Variants in VPS13A observed in about 807,000 individuals in gnomAD.
VPS13A encodes the protein vacuolar protein sorting 13 homolog A, also known as intermembrane lipid transfer protein VPS13A.
VPS13A carries 264 observed loss-of-function variants against 390.9 expected under a neutral mutation model. The observed-to-expected ratio is 0.68, with a 90% CI of 0.61 to 0.75. The LOEUF (loss-of-function observed/expected upper bound fraction) is 0.75, where lower values mean the gene tolerates loss of function less well. VPS13A is among the 30% of genes least tolerant of loss of function. The pLI is 0.00. For synonymous variants in VPS13A, 1,231 were observed against 1,227.1 expected (o/e 1.00, Z -0.07); for missense variants, 3,409 against 3,733.9 (o/e 0.91, Z 2.27).
In VPS13A at chr9:77,392,714, CTATA is replaced by C. The variant is rs549127165; in HGVS notation, c.9190-10517_9190-10514del. On this transcript the variant is annotated intron_variant, in intron 68 of 71. Transcript: ENST00000360280. ...TATGTACAATCACGTCGTTAAAAAA[CTATA>C]TATACACTATATAAAACTATATATA... Among the ~76,000 whole-genome samples, 492 of 150,592 alleles carry C rather than the reference CTATA, an allele frequency of 3.3e-3. 1 individual carries two copies. Among genetic ancestry groups the C allele is most frequent in the Admixed American group, 5.8e-3 (88 of 15,104 alleles).
intron 9 of VPS13A, among the ~76,000 whole-genome samples, 185 bp from the exon 10 acceptor site, chr9:77,214,144 G>A (rs1365570192): frequency 1.3e-5 from 2 of 151,792 alleles, no homozygotes; most frequent in Non-Finnish European, 2.9e-5. Context: ...GGCACGGTGG[G>A]GCACGTCTGT....
At chr9:77,233,331 G>A (rs891791625) in intron 17 of VPS13A, among the ~76,000 whole-genome samples, 9 of 151,566 alleles carry the variant, frequency 5.9e-5, no homozygotes, top group African/African-American at 1.9e-4. Context: ...TGTTAAATAT[G>A]TTAACCTTTT....
At chr9:77,303,770 C>T (rs1297228291) in intron 34 of VPS13A, among the ~76,000 whole-genome samples, 6 of 152,202 alleles carry the variant, frequency 3.9e-5, no homozygotes. Flanking sequence ...TTATGTTTCT[C>T]TCCACCCAAA....
chr9:77,361,403 C>T (rs1035690005), intron 59 of VPS13A, among the ~76,000 whole-genome samples: 1 of 152,044 alleles, frequency 6.6e-6, no homozygotes, highest in Admixed American at 6.5e-5. Flanking sequence ...TATGTTGTAG[C>T]ATGTATCAGT....
At chr9:77,228,615 G>A (rs1823653784) in intron 17 of VPS13A, among the ~76,000 whole-genome samples, 3 of 152,116 alleles carry the variant, frequency 2.0e-5, no homozygotes, top group Admixed American at 2.0e-4. Context: ...TTTAAAGTGT[G>A]TGGTTCATTG....
intron 69 of VPS13A, among the ~76,000 whole-genome samples, 183 bp downstream of exon 69, chr9:77,403,504 C>T (rs1322212482): frequency 1.3e-5 from 2 of 152,178 alleles, no homozygotes; most frequent in Non-Finnish European, 2.9e-5. Context: ...TGCATGCATA[C>T]AGATAAACAC....
chr9:77,268,892 A>G (rs1040068046), intron 23 of VPS13A, among the ~76,000 whole-genome samples: 7 of 151,164 alleles, frequency 4.6e-5, no homozygotes, highest in African/African-American at 1.7e-4. Flanking sequence ...GTGAGCCAAG[A>G]TTGCGCCACT....
Position 77,314,009 on chromosome 9 carries a change from G to A in VPS13A, c.4132G>A (p.Ala1378Thr). 1 of 1,613,138 alleles carries A rather than the reference G, an allele frequency of 6.2e-7. No individual in the cohort carries two copies. Among genetic ancestry groups the A allele is most frequent in the Non-Finnish European group, 8.5e-7 (1 of 1,179,486 alleles). ...HHSGGATVVT[A>T]AVVEVHSRAL... Reference sequence around the variant, plus strand: ...TTTTCAAGGAGCAACTGTGGTGACAGCTGCTGTGGTAGAAGTACATTCACG... The same window carrying A: ...TTTTCAAGGAGCAACTGTGGTGACAACTGCTGTGGTAGAAGTACATTCACG... The change falls in exon 36 of 72, where the codon GCT (alanine) becomes ACT (threonine). Residue 1378 changes from alanine to threonine, a missense_variant. Around this residue, in one of 5 missense-constraint regions of VPS13A, gnomAD observed 2,717 missense variants for 2,917.4 expected, o/e 0.93. Coordinates refer to ENST00000360280, the MANE Select transcript of VPS13A (RefSeq NM_033305.3).
intron 68 of VPS13A, among the ~76,000 whole-genome samples, chr9:77,388,740 T>A (rs894521154): frequency 2.0e-5 from 3 of 152,182 alleles, no homozygotes; most frequent in African/African-American, 7.2e-5. Context: ...AGTCAGAGAT[T>A]TAGCTAAGTA....
intron 16 of VPS13A, among the ~76,000 whole-genome samples, chr9:77,227,774 A>G (rs1365006162): frequency 1.3e-5 from 2 of 151,414 alleles, no homozygotes; most frequent in African/African-American, 2.4e-5. Context: ...AGCTCAAGCA[A>G]TCCGCCTGCC....
intron 71 of VPS13A, among the ~76,000 whole-genome samples, chr9:77,412,500 A>C (rs2131669522): frequency 1.3e-5 from 2 of 152,328 alleles, no homozygotes; most frequent in Middle Eastern, 3.4e-3. Context: ...AAACCATATG[A>C]TTATCGCAAT....
At chr9:77,364,451 A>C (rs890779956) in intron 59 of VPS13A, among the ~76,000 whole-genome samples, 1 of 151,960 alleles carries the variant, frequency 6.6e-6, no homozygotes, top group African/African-American at 2.4e-5. Context: ...ACAAAAAAAA[A>C]CCCATAAAGG....
chr9:77,397,946 T>TAACA (rs1834187116), intron 68 of VPS13A, among the ~76,000 whole-genome samples: 1 of 152,204 alleles, frequency 6.6e-6, no homozygotes, highest in African/African-American at 2.4e-5. Context: ...TAAATGAGGC[T>TAACA]AACATGTCTA....
chr9:77,286,045 A>G (rs566277054), intron 31 of VPS13A, among the ~76,000 whole-genome samples: 1 of 152,296 alleles, frequency 6.6e-6, no homozygotes, highest in African/African-American at 2.4e-5. Context: ...GTTTGGGAGT[A>G]GGGGTTGGCA....
At position 77,416,940 on chromosome 9, in the gene VPS13A, T is replaced by C. The variant is rs886174300; in HGVS notation, c.*934T>C. 1 of 152,598 alleles carries C rather than the reference T, an allele frequency of 6.6e-6. No individual in the cohort carries two copies. Among genetic ancestry groups the C allele is most frequent in the Non-Finnish European group, 1.5e-5 (1 of 68,024 alleles). The allele number at this position is 152,598 out of a possible 1,614,324, so 9.5% of individuals were successfully genotyped here. A position where few individuals can be genotyped will look rare whatever the true frequency, so the allele number is the denominator to read the frequency against. On this transcript the variant is annotated 3_prime_UTR_variant, in exon 72 of 72. Coordinates refer to ENST00000360280, the MANE Select transcript of VPS13A (RefSeq NM_033305.3). ...TTATGTACCCTAAAATCTAACCCAA[T>C]AACCTGTCCCGTTGCCAATAGATTG...
At chr9:77,200,782 C>T (rs554574425) in intron 2 of VPS13A, among the ~76,000 whole-genome samples, 6 of 152,130 alleles carry the variant, frequency 3.9e-5, no homozygotes, top group South Asian at 2.1e-4. Flanking sequence ...AATCTAATGT[C>T]GTGAAGATTT....
At chr9:77,275,288 T>C (rs1212349059) in intron 24 of VPS13A, among the ~76,000 whole-genome samples, 1 of 152,194 alleles carries the variant, frequency 6.6e-6, no homozygotes, top group Non-Finnish European at 1.5e-5. Flanking sequence ...CCAAGAATGT[T>C]ATTTAAAAGT....
intron 46 of VPS13A, among the ~76,000 whole-genome samples, chr9:77,334,795 G>A (rs1830458075): frequency 6.6e-6 from 1 of 152,190 alleles, no homozygotes; most frequent in Non-Finnish European, 1.5e-5. Context: ...AGTATTAGAA[G>A]TAAGAGTGGA....
intron 47 of VPS13A, chr9:77,338,043 A>G (rs960893936): frequency 1.3e-5 from 2 of 153,772 alleles, no homozygotes; most frequent in Admixed American, 1.3e-4. Context: ...TGATGCGATC[A>G]TAGCTCACTG....
Sources: gnomAD v4.1 joint callset for allele counts (sites outside exome capture counted in the v4.1 genomes callset) on GRCh38, gnomAD v4.1.1 for gene constraint, gnomAD v4.1.1 regional missense constraint, MANE v1.5 for transcripts, NCBI Gene and HGNC (gene_info 2026-07-23, HGNC 2026-07-21) for gene names.